Variants in DLG2 observed in about 807,000 individuals in gnomAD.
DLG2 encodes the protein discs large MAGUK scaffold protein 2, also known as disks large homolog 2.
A neutral mutation model predicts 132.5 loss-of-function variants in DLG2; 45 were observed. The ratio of observed to expected loss-of-function variants is 0.34; its 90% CI spans 0.27 to 0.44. The LOEUF is 0.44. Among genes scored for constraint, DLG2 ranks in the 20% least tolerant of loss-of-function variants. DLG2 has a pLI of 1.00. For missense variants in DLG2, 1,045 were observed against 1,196.9 expected (o/e 0.87, Z 1.87); for synonymous variants, 424 against 419.6 (o/e 1.01, Z -0.13).
intron 6 of DLG2, chr11:84,762,051 TG>T (rs1169838558): frequency 9.9e-5 from 15 of 151,856 alleles, no homozygotes; most frequent in Admixed American, 9.8e-4. Context: ...TAAACATAGC[TG>T]GGTTTGTTAC....
At position 85,427,430 on chromosome 11, in the gene DLG2, G is replaced by C. The variant is rs574680297; in HGVS notation, c.41-142065C>G. 3.3e-5 allele frequency among the ~76,000 whole-genome samples: 5 copies of C among 152,290 alleles called. No individual in the cohort carries two copies. The South Asian group carries it at 8.3e-4, about 25-fold the overall frequency. ...CCATCAGACTAACAGCTGATCTCTT[G>C]GCAGAAACTCTACAAGCCAGAAGAG... On this transcript the variant is annotated intron_variant, in intron 3 of 27. Transcript: ENST00000376104.
At chr11:84,636,598 C>T (rs768531087) in intron 6 of DLG2, among the ~76,000 whole-genome samples, 121 of 152,270 alleles carry the variant, frequency 7.9e-4, no homozygotes, top group South Asian at 2.5e-3. Flanking sequence ...GCAGAGGAAA[C>T]ATCATTTTCC....
At chr11:83,626,824 G>C in intron 19 of DLG2, among the ~76,000 whole-genome samples, 1 of 152,134 alleles carries the variant, frequency 6.6e-6, no homozygotes, top group African/African-American at 2.4e-5. Context: ...CTGCCTCTGG[G>C]TAGAGCCTTG....
At chr11:84,735,099 CT>C (rs1389261656) in intron 6 of DLG2, among the ~76,000 whole-genome samples, 2 of 151,920 alleles carry the variant, frequency 1.3e-5, no homozygotes, top group Admixed American at 1.3e-4. Context: ...CTAAAATTCT[CT>C]TTTTTGATTC....
At chr11:83,587,491 G>A (rs981559344) in intron 19 of DLG2, among the ~76,000 whole-genome samples, 1 of 152,068 alleles carries the variant, frequency 6.6e-6, no homozygotes, top group Non-Finnish European at 1.5e-5. Context: ...GGCAGATCTC[G>A]AACTCCTGAG....
rs113436905 is a variant in DLG2, at chr11:84,934,504, GTTTTTT to G, written c.357+177151_357+177156del. ...TCTGTGAATCTGTATGGTCCTGGGT[GTTTTTT>G]TTTTGTTTTGTTTTGTTTTTTTTTT... is the stretch of plus-strand genomic sequence containing the variant. On this transcript the variant is annotated intron_variant, in intron 6 of 27. Coordinates refer to ENST00000376104, the MANE Select transcript of DLG2 (RefSeq NM_001142699.3). Among the ~76,000 whole-genome samples, 91 of 33,874 alleles carry G rather than the reference GTTTTTT, an allele frequency of 2.7e-3. 1 individual carries two copies. Among genetic ancestry groups the G allele is most frequent in the African/African-American group, 0.015 (88 of 5,748 alleles). The allele number at this position is 33,874 out of a possible 152,430, so 22.2% of individuals were successfully genotyped here.
At chr11:84,290,344 A>C (rs1171917121) in intron 7 of DLG2, among the ~76,000 whole-genome samples, 1 of 152,140 alleles carries the variant, frequency 6.6e-6, no homozygotes, top group African/African-American at 2.4e-5. Context: ...AATGAAAACA[A>C]GTGAGAAATG....
chr11:84,881,382 G>A (rs945250645), intron 6 of DLG2, among the ~76,000 whole-genome samples: 1 of 152,116 alleles, frequency 6.6e-6, no homozygotes, highest in Admixed American at 6.6e-5. Flanking sequence ...TCAGGCTGAA[G>A]CCAACAAGGG....
chr11:83,776,093 AAAAT>A (rs370475515), intron 18 of DLG2, among the ~76,000 whole-genome samples: 10 of 151,638 alleles, frequency 6.6e-5, no homozygotes, highest in Admixed American at 1.3e-4. Flanking sequence ...CTCTGTCTCA[AAAAT>A]AAATAAATAA....
intron 4 of DLG2, among the ~76,000 whole-genome samples, chr11:85,174,518 G>A (rs1217852420): frequency 6.6e-6 from 1 of 152,106 alleles, no homozygotes; most frequent in East Asian, 1.9e-4. Context: ...AAGCTAGAAA[G>A]ATCTCAAATT....
At position 84,484,307 on chromosome 11, in the gene DLG2, G is replaced by A. The variant is rs541356014; in HGVS notation, c.519+50263C>T. Among the ~76,000 whole-genome samples the A allele has an allele frequency of 2.6e-5, 4 of 152,250 alleles. No individual in the cohort carries two copies. In the East Asian group the frequency reaches 7.7e-4, roughly 29 times the overall value. Reference sequence around the variant, plus strand: ...TTTCCCCTTGCTGAAACAATTTCATGAAGTACACCCTCTATCATCTTGAGC... The same window carrying A: ...TTTCCCCTTGCTGAAACAATTTCATAAAGTACACCCTCTATCATCTTGAGC... On this transcript the variant is annotated intron_variant, in intron 7 of 27. Coordinates refer to ENST00000376104, the MANE Select transcript of DLG2 (RefSeq NM_001142699.3).
chr11:84,803,303 C>A (rs897213071), intron 6 of DLG2, among the ~76,000 whole-genome samples: 16 of 152,154 alleles, frequency 1.1e-4, no homozygotes, highest in African/African-American at 3.9e-4. Flanking sequence ...CAACAACCAT[C>A]CAATCAATTT....
chr11:84,249,313 T>G (rs1261236512), intron 8 of DLG2, among the ~76,000 whole-genome samples: 1 of 152,208 alleles, frequency 6.6e-6, no homozygotes, highest in Non-Finnish European at 1.5e-5. Flanking sequence ...TGACAAGTTA[T>G]CTCTCATCCA....
chr11:85,219,116 TC>T (rs1330323510), intron 4 of DLG2, among the ~76,000 whole-genome samples: 3 of 152,068 alleles, frequency 2.0e-5, no homozygotes, highest in Admixed American at 2.0e-4. Context: ...AAACTACCTA[TC>T]AGGTACCATG....
chr11:84,501,526 A>C (rs927381431), intron 7 of DLG2, among the ~76,000 whole-genome samples: 1 of 152,182 alleles, frequency 6.6e-6, no homozygotes, highest in Non-Finnish European at 1.5e-5. Flanking sequence ...AGATCGTGCT[A>C]ATGCACTCCA....
chr11:84,279,162 G>C (rs2097823466), intron 7 of DLG2, among the ~76,000 whole-genome samples: 1 of 152,162 alleles, frequency 6.6e-6, no homozygotes, highest in South Asian at 2.1e-4. Flanking sequence ...TGAAGGGTAT[G>C]AACATACACT....
intron 15 of DLG2, among the ~76,000 whole-genome samples, chr11:83,905,527 C>T (rs1461930981): frequency 2.0e-5 from 3 of 152,094 alleles, no homozygotes; most frequent in African/African-American, 7.2e-5. Context: ...TACAGAGACC[C>T]ACAGCAAAGG....
chr11:85,060,417 GTGTATATATA>G (rs2063945117), intron 6 of DLG2, among the ~76,000 whole-genome samples: 1 of 149,970 alleles, frequency 6.7e-6, no homozygotes, highest in Admixed American at 6.7e-5. Flanking sequence ...ATATATGTGT[GTGTATATATA>G]TGTGTATATA....
intron 15 of DLG2, among the ~76,000 whole-genome samples, chr11:83,886,674 C>T (rs1250087033): frequency 2.0e-5 from 3 of 151,336 alleles, no homozygotes; most frequent in African/African-American, 7.3e-5. Context: ...CACACCTATT[C>T]CAAAATTGAC....
Sources: gnomAD v4.1 joint callset for allele counts (sites outside exome capture counted in the v4.1 genomes callset) on GRCh38, gnomAD v4.1.1 for gene constraint, MANE v1.5 for transcripts, NCBI Gene and HGNC (gene_info 2026-07-23, HGNC 2026-07-21) for gene names.